XPO4: variants seen among roughly 807,000 people sequenced by gnomAD.
The protein encoded by XPO4 is exportin-4.
A neutral mutation model predicts 143.0 loss-of-function variants in XPO4; 39 were observed. That is an observed-to-expected ratio of 0.27 (90% CI 0.21 to 0.36). The LOEUF is 0.36. Ranked by LOEUF, XPO4 falls within the 10% of genes least tolerant of loss-of-function variation. XPO4 has a pLI of 1.00. For synonymous variants in XPO4, 439 were observed against 474.0 expected (o/e 0.93, Z 0.96); for missense variants, 907 against 1,348.0 (o/e 0.67, Z 5.12).
intron 22 of XPO4, among the ~76,000 whole-genome samples, chr13:20,784,686 T>C (rs1324322243): frequency 6.6e-6 from 1 of 152,224 alleles, no homozygotes; most frequent in East Asian, 1.9e-4. Context: ...CTCAGGCCTT[T>C]AATGCCAGCA....
chr13:20,865,671 T>C, intron 2 of XPO4: 2 of 876,032 alleles, frequency 2.3e-6, no homozygotes, highest in South Asian at 1.1e-4. Flanking sequence ...CACTACATTC[T>C]GACCAAAAAG....
In XPO4 at chr13:20,787,090, T is replaced by C. The variant is rs761052823; in HGVS notation, c.3166-33A>G. On this transcript the variant is annotated intron_variant, in intron 21 of 22. Transcript: ENST00000255305. ...TACATAAGACTTCTAAATAAAAACA[T>C]AGGATGATCATATATCCTCCAGTCC... 5.2e-6 allele frequency: 8 copies of C among 1,535,598 alleles called. No individual in the cohort carries two copies. The African/African-American group carries it at 5.5e-5, about 11-fold the overall frequency.
At chr13:20,864,820 G>A (rs1363466758) in intron 2 of XPO4, among the ~76,000 whole-genome samples, 1 of 151,232 alleles carries the variant, frequency 6.6e-6, no homozygotes, top group African/African-American at 2.4e-5. Context: ...GGTATTAAAT[G>A]ATGATCTCTA....
intron 1 of XPO4, chr13:20,902,119 C>T: frequency 1.0e-6 from 1 of 985,342 alleles, no homozygotes; most frequent in Non-Finnish European, 1.2e-6. Flanking sequence ...CAACGATTCC[C>T]CTCCCTCCCT....
At chr13:20,837,400 CT>C (rs1027759465) in intron 6 of XPO4, among the ~76,000 whole-genome samples, 9 of 151,424 alleles carry the variant, frequency 5.9e-5, no homozygotes, top group African/African-American at 9.7e-5. Context: ...CTTTCTTCTC[CT>C]TTTTTTTTCT....
chr13:20,850,740 A>G, intron 4 of XPO4: 1 of 943,532 alleles, frequency 1.1e-6, no homozygotes, highest in Non-Finnish European at 1.3e-6. Flanking sequence ...ACTTCAGCCC[A>G]GGCGATAGAG....
chr13:20,848,283 A>G (rs565753120), intron 4 of XPO4: 8 of 985,062 alleles, frequency 8.1e-6, no homozygotes, highest in African/African-American at 1.7e-5. Flanking sequence ...CAGGAGTCCA[A>G]TACAAGAATC....
rs1011747101 is a variant in XPO4, at chr13:20,780,165, C to T, written c.*3557G>A. The T allele has an allele frequency of 6.6e-6, 1 of 152,194 alleles. No homozygotes were observed. The highest frequency in any genetic ancestry group is 1.5e-5 in the Non-Finnish European group (1 of 68,030). 9.4% of individuals were successfully genotyped at this position (152,194 alleles called of 1,614,324 possible). On this transcript the variant is annotated 3_prime_UTR_variant, in exon 23 of 23. Transcript: ENST00000255305. ...ACCTTAAGAAGTACCGAGGTTCCTT[C>T]TGACTTAAAAGGTTAATGTTTTATT... is the stretch of plus-strand genomic sequence containing the variant.
intron 1 of XPO4, among the ~76,000 whole-genome samples, chr13:20,880,532 T>C (rs868032530): frequency 2.3e-4 from 35 of 152,286 alleles, no homozygotes; most frequent in African/African-American, 6.7e-4. Context: ...AAGCCGGTAA[T>C]TCTACTTCCA....
chr13:20,785,901 A>AGAAG (rs57419802), intron 22 of XPO4, among the ~76,000 whole-genome samples: 48,394 of 126,246 alleles, frequency 0.38, 11,574 homozygotes, highest in Non-Finnish European at 0.51. Flanking sequence ...AGAAAGAAAG[A>AGAAG]GGAGGGAGGA....
chr13:20,852,638 A>G, intron 4 of XPO4: 1 of 961,044 alleles, frequency 1.0e-6, no homozygotes, highest in African/African-American at 1.8e-5. Flanking sequence ...AATATTTTAT[A>G]ACATTTAAAT....
chr13:20,902,595 A>G (rs978641297), intron 1 of XPO4, 75 bp downstream of exon 1: 176 of 1,439,026 alleles, frequency 1.2e-4, no homozygotes, highest in Non-Finnish European at 1.5e-4. Context: ...CAGCCCAGCG[A>G]GCAGCAAGGC....
intron 22 of XPO4, among the ~76,000 whole-genome samples, 171 bp from the exon 23 acceptor site, chr13:20,784,090 T>G (rs1381637259): frequency 6.6e-6 from 1 of 152,208 alleles, no homozygotes; most frequent in Non-Finnish European, 1.5e-5. Flanking sequence ...TTACATGGAT[T>G]AATTCATCTA....
intron 1 of XPO4, among the ~76,000 whole-genome samples, chr13:20,890,469 G>C (rs956074356): frequency 6.7e-6 from 1 of 150,300 alleles, no homozygotes; most frequent in Non-Finnish European, 1.5e-5. Flanking sequence ...AAGAAATAAA[G>C]AAATTGAAAT....
intron 4 of XPO4, chr13:20,852,060 C>T (rs981332309): frequency 3.5e-5 from 34 of 985,260 alleles, no homozygotes; most frequent in Admixed American, 6.1e-5. Flanking sequence ...TCGCCTGCGC[C>T]GTCCCAGTGC....
chr13:20,865,620 A>G (rs2060238419), intron 2 of XPO4: 1 of 957,494 alleles, frequency 1.0e-6, no homozygotes. Context: ...AACTAAACAG[A>G]AACATGAAGA....
chr13:20,851,724 A>C, intron 4 of XPO4: 1 of 939,920 alleles, frequency 1.1e-6, no homozygotes, highest in Non-Finnish European at 1.3e-6. Flanking sequence ...AAAAAAAAAA[A>C]AAAAAAGAAA....
chr13:20,884,143 G>A (rs961799223), intron 1 of XPO4, among the ~76,000 whole-genome samples: 2 of 152,176 alleles, frequency 1.3e-5, no homozygotes, highest in Non-Finnish European at 2.9e-5. Context: ...GGGAGGCGGA[G>A]GCAGGAGGAT....
At chr13:20,882,267 A>G (rs537869756) in intron 1 of XPO4, among the ~76,000 whole-genome samples, 2 of 152,288 alleles carry the variant, frequency 1.3e-5, no homozygotes, top group African/African-American at 4.8e-5. Flanking sequence ...ATTTATAAAG[A>G]AAAGAGGCTT....
Sources: gnomAD v4.1 joint callset for allele counts (sites outside exome capture counted in the v4.1 genomes callset) on GRCh38, gnomAD v4.1.1 for gene constraint, MANE v1.5 for transcripts, NCBI Gene and HGNC (gene_info 2026-07-23, HGNC 2026-07-21) for gene names.